The following TAS1R3 variants were observed in gnomAD, a reference collection of about 807,000 sequenced individuals.
TAS1R3 encodes taste receptor type 1 member 3.
A neutral mutation model predicts 46.1 loss-of-function variants in TAS1R3; 58 were observed. The ratio of observed to expected loss-of-function variants is 1.26; its 90% CI spans 1.02 to 1.57. TAS1R3 has a LOEUF of 1.57. Ranked by LOEUF, TAS1R3 falls within the 40% of genes most tolerant of loss-of-function variation. The probability of loss-of-function intolerance (pLI) is 0.00; values close to 1 mark genes in which losing one functional copy is unlikely to be tolerated. For synonymous variants in TAS1R3, 724 were observed against 544.7 expected (o/e 1.33, Z -4.58); for missense variants, 1,422 against 1,185.8 (o/e 1.20, Z -2.93).
At position 1,331,629 on chromosome 1, in the gene TAS1R3, T is replaced by G. The variant is rs750810123; in HGVS notation, c.192-9T>G. On this transcript the variant is annotated splice_polypyrimidine_tract_variant and intron_variant, in intron 1 of 5. Coordinates refer to ENST00000339381, the MANE Select transcript of TAS1R3 (RefSeq NM_152228.3). ...CGAGGTGGCCATCTGCGGTTCTGTG[T>G]GGCCCCAGGTTCTCCTCAAACGGCC... 1.2e-6 allele frequency: 2 copies of G among 1,608,198 alleles called. No individual in the cohort carries two copies. The highest frequency in any genetic ancestry group is 1.7e-5 in the Admixed American group (1 of 59,834).
At position 1,331,660 on chromosome 1, in the gene TAS1R3, T is replaced by G. The variant is rs144594741; in HGVS notation, c.214T>G (p.Trp72Gly). 414 of 1,612,338 alleles carry G rather than the reference T, an allele frequency of 2.6e-4. 2 individuals are homozygous for G. The highest frequency in any genetic ancestry group is 2.5e-3 in the Middle Eastern group (15 of 6,062). Residue 72 changes from tryptophan to glycine, a missense_variant, in exon 2 of 6, where the codon TGG becomes GGG. Coordinates refer to ENST00000339381, the MANE Select transcript of TAS1R3 (RefSeq NM_152228.3). The part of the protein sequence containing the change: ...CTRFSSNGLL[W>G]ALAMKMAVEE... ...CAGGTTCTCCTCAAACGGCCTGCTC[T>G]GGGCACTGGCCATGAAAATGGCCGT... is the stretch of plus-strand genomic sequence containing the variant.
chr1:1,332,860 G>C, intron 3 of TAS1R3, 54 bp downstream of exon 3: 3 of 1,587,812 alleles, frequency 1.9e-6, no homozygotes, highest in Non-Finnish European at 2.6e-6. Flanking sequence ...AGGCCACCAG[G>C]CACGGCCACC....
rs1643493889 is a variant in TAS1R3 at position 1,333,936 on chromosome 1, G to A, written c.2031G>A (p.Arg677=). 3 of 1,601,060 alleles carry A rather than the reference G, an allele frequency of 1.9e-6. No individual in the cohort carries two copies. Among genetic ancestry groups the A allele is most frequent in the Non-Finnish European group, 2.5e-6 (3 of 1,179,776 alleles). The change falls in exon 6 of 6, where the codon CGG becomes CGA. Residue 677 remains arginine (R), a synonymous_variant. Transcript: ENST00000339381. The part of the protein sequence containing the change: ...SWADRLSGCL[R]GPWAWLVVLL... ...CAGACCGGCTGAGTGGCTGCCTGCGGGGGCCCTGGGCCTGGCTGGTGGTGC... is the reference window on the plus strand; with the variant it reads ...CAGACCGGCTGAGTGGCTGCCTGCGAGGGCCCTGGGCCTGGCTGGTGGTGC...
In TAS1R3 at chr1:1,333,014, A is replaced by C. The variant is rs907701266; in HGVS notation, c.1369A>C (p.Lys457Gln). 3 of 1,612,774 alleles carry C rather than the reference A, an allele frequency of 1.9e-6. No homozygotes were observed. Among genetic ancestry groups the C allele is most frequent in the Middle Eastern group, 1.6e-4 (1 of 6,062 alleles). ...AAACGTGGACATGGAGTACGACCTG[A>C]AGCTGTGGGTGTGGCAGGGCTCAGT... ...SGNVDMEYDLKLWVWQGSVPR... is the reference protein window; with the variant it reads ...SGNVDMEYDLQLWVWQGSVPR... The change falls in exon 4 of 6, where the codon AAG becomes CAG. Residue 457 changes from lysine (K) to glutamine (Q), a missense_variant. By Grantham distance (53) the Lys-to-Gln change is moderately conservative. Coordinates refer to ENST00000339381, the MANE Select transcript of TAS1R3 (RefSeq NM_152228.3).
chr1:1,331,761 G>A lies in TAS1R3; in HGVS notation c.315G>A (p.Glu105=). The change falls in exon 2 of 6, where the codon GAG becomes GAA. Residue 105 remains glutamate (E), a synonymous_variant. Transcript: ENST00000339381. ...ACGACCTCTTTGATACGTGCTCGGA[G>A]CCTGTGGTGGCCATGAAGCCCAGCC... ...LGYDLFDTCS[E]PVVAMKPSLM... 6.2e-7 allele frequency: 1 copy of A among 1,612,898 alleles called. No homozygotes were observed. Among genetic ancestry groups the A allele is most frequent in the Non-Finnish European group, 8.5e-7 (1 of 1,180,028 alleles).
Position 1,332,364 on chromosome 1 carries a change from A to G in TAS1R3, c.833A>G (p.His278Arg). 2 of 1,599,308 alleles carry G rather than the reference A, an allele frequency of 1.3e-6. No homozygotes were observed. Among genetic ancestry groups the G allele is most frequent in the South Asian group, 1.1e-5 (1 of 89,562 alleles). ...VQVVLLFASV[H>R]AAHALFNYSI... ...GTGGTGCTGCTGTTCGCCTCCGTGC[A>G]CGCCGCCCACGCCCTCTTCAACTAC... The change falls in exon 3 of 6, where the codon CAC becomes CGC. Residue 278 changes from histidine (H) to arginine (R), a missense_variant. Transcript: ENST00000339381.
Position 1,334,387 on chromosome 1 carries a change from T to G in TAS1R3, c.2482T>G (p.Phe828Val), listed in dbSNP as rs1002443009. The G allele has an allele frequency of 5.6e-6, 9 of 1,607,720 alleles. No individual in the cohort carries two copies. The African/African-American group carries it at 1.2e-4, about 22-fold the overall frequency. Residue 828 changes from phenylalanine (F) to valine (V), a missense_variant, in exon 6 of 6, where the codon TTC (phenylalanine) becomes GTC (valine). Phe to Val is a conservative substitution (Grantham distance 50). Transcript: ENST00000339381. ...MRQPGLNTPE[F>V]FLGGGPGDAQ... is the part of the protein sequence containing the mutation. ...GCAGCCAGGGCTCAACACCCCCGAG[T>G]TCTTCCTGGGAGGGGGCCCTGGGGA...
At chr1:1,333,234 A>C in intron 4 of TAS1R3, 25 bp from the exon 5 acceptor site, 1 of 1,597,594 alleles carries the variant, frequency 6.3e-7, no homozygotes, top group South Asian at 1.1e-5. Flanking sequence ...AGCCGAGCAG[A>C]GCCAGACCCC....
Position 1,331,743 on chromosome 1 carries a change from CTTT to C in TAS1R3, c.298_300del (p.Phe100del), listed in dbSNP as rs756206040. On this transcript the variant is annotated inframe_deletion, in exon 2 of 6. Coordinates refer to ENST00000339381, the MANE Select transcript of TAS1R3 (RefSeq NM_152228.3). ...CCGGGCTGCGCCTGGGCTACGACCT[CTTT>C]GATACGTGCTCGGAGCCTGTGGTGG... 1 of 1,612,980 alleles carries C rather than the reference CTTT, an allele frequency of 6.2e-7. No homozygotes were observed. The highest frequency in any genetic ancestry group is 8.5e-7 in the Non-Finnish European group (1 of 1,180,038).
In TAS1R3 at chr1:1,333,533, A is replaced by G. The variant is rs1333203627; in HGVS notation, c.1628A>G (p.Gln543Arg). ...PDDIACTFCG[Q>R]DEWSPERSTR... is the part of the protein sequence containing the mutation. Reference sequence around the variant, plus strand: ...GACATCGCCTGCACCTTTTGTGGCCAGGATGAGTGGTCCCCGGAGCGAAGC... The same window carrying G: ...GACATCGCCTGCACCTTTTGTGGCCGGGATGAGTGGTCCCCGGAGCGAAGC... The change falls in exon 6 of 6, where the codon CAG becomes CGG. Residue 543 changes from glutamine to arginine, a missense_variant. Coordinates refer to ENST00000339381, the MANE Select transcript of TAS1R3 (RefSeq NM_152228.3). 9.4e-6 allele frequency: 15 copies of G among 1,602,910 alleles called. No homozygotes were observed. Among genetic ancestry groups the G allele is most frequent in the Non-Finnish European group, 1.3e-5 (15 of 1,179,596 alleles).
Position 1,331,958 on chromosome 1 carries a change from A to AACCCCCCCC in TAS1R3, c.492+20_492+21insACCCCCCCC. 1.3e-6 allele frequency: 2 copies of AACCCCCCCC among 1,539,210 alleles called. No individual in the cohort carries two copies. The highest frequency in any genetic ancestry group is 1.8e-6 in the Non-Finnish European group (2 of 1,141,736). ...CCCCAGGTGGGCGCCCCCCACCATC[A>AACCCCCCCC]CCCACCCCCACCCAGCCCTGCCCGT... On this transcript the variant is annotated intron_variant, in intron 2 of 5. Coordinates refer to ENST00000339381, the MANE Select transcript of TAS1R3 (RefSeq NM_152228.3).
rs1444466401 is a variant in TAS1R3, at chr1:1,333,525, T to C, written c.1620T>C (p.Phe540=). 3 of 1,602,534 alleles carry C rather than the reference T, an allele frequency of 1.9e-6. No individual in the cohort carries two copies. The highest frequency in any genetic ancestry group is 3.3e-5 in the Admixed American group (2 of 59,994). Residue 540 remains phenylalanine, a synonymous_variant, in exon 6 of 6, where the codon TTT becomes TTC. Coordinates refer to ENST00000339381, the MANE Select transcript of TAS1R3 (RefSeq NM_152228.3). ...RQNPDDIACT[F]CGQDEWSPER... is the part of the protein sequence containing the mutation. ...TCACAGACGACATCGCCTGCACCTT[T>C]TGTGGCCAGGATGAGTGGTCCCCGG...
Position 1,334,767 on chromosome 1 carries a change from A to C in TAS1R3, c.*303A>C. ...GGCTCCCAGGGTACCCGCAACCCAC[A>C]CCGTGAGCTCAGGAAAAGGACGCAG... On this transcript the variant is annotated 3_prime_UTR_variant, in exon 6 of 6. Coordinates refer to ENST00000339381, the MANE Select transcript of TAS1R3 (RefSeq NM_152228.3). The C allele has an allele frequency of 6.5e-6, 2 of 308,020 alleles. No individual in the cohort carries two copies. Among genetic ancestry groups the C allele is most frequent in the East Asian group, 5.6e-5 (1 of 17,934 alleles). The allele number at this position is 308,020 out of a possible 1,614,324, so 19.1% of individuals were successfully genotyped here.
rs750240840 is a variant in TAS1R3 at position 1,334,189 on chromosome 1, C to T, written c.2284C>T (p.Arg762Cys). 2.4e-5 allele frequency: 39 copies of T among 1,600,918 alleles called. No homozygotes were observed. In the East Asian group the frequency reaches 2.5e-4, roughly 10 times the overall value. Residue 762 changes from arginine to cysteine, a missense_variant, in exon 6 of 6, where the codon CGT becomes TGT. By Grantham distance (180) the Arg-to-Cys change is radical. Coordinates refer to ENST00000339381, the MANE Select transcript of TAS1R3 (RefSeq NM_152228.3). ...CCAGCCGGGCTGCTACAACCGTGCCCGTGGCCTCACCTTTGCCATGCTGGC... is the reference window on the plus strand; with the variant it reads ...CCAGCCGGGCTGCTACAACCGTGCCTGTGGCCTCACCTTTGCCATGCTGGC... ...RSQPGCYNRA[R>C]GLTFAMLAYF...
At position 1,332,278 on chromosome 1, in the gene TAS1R3, T is replaced by A; in HGVS notation, c.747T>A (p.Asp249Glu). 1 of 1,603,566 alleles carries A rather than the reference T, an allele frequency of 6.2e-7. No individual in the cohort carries two copies. Among genetic ancestry groups the A allele is most frequent in the Non-Finnish European group, 8.5e-7 (1 of 1,178,486 alleles). ...GCCTGGTGCCGCTGCCCCGTGCCGATGACTCGCGGCTGGGGAAGGTGCAGG... is the reference window on the plus strand; with the variant it reads ...GCCTGGTGCCGCTGCCCCGTGCCGAAGACTCGCGGCTGGGGAAGGTGCAGG... Reference protein sequence around the residue: ...HEGLVPLPRADDSRLGKVQDV... With the variant: ...HEGLVPLPRAEDSRLGKVQDV... The change falls in exon 3 of 6, where the codon GAT (aspartate) becomes GAA (glutamate). Residue 249 changes from aspartate to glutamate, a missense_variant. By Grantham distance (45) the Asp-to-Glu change is conservative. Coordinates refer to ENST00000339381, the MANE Select transcript of TAS1R3 (RefSeq NM_152228.3).
Position 1,332,906 on chromosome 1 carries a change from G to A in TAS1R3, c.1276-15G>A, listed in dbSNP as rs199516611. The A allele has an allele frequency of 4.7e-5, 75 of 1,597,960 alleles. No homozygotes were observed. The Middle Eastern group carries it at 8.3e-4, about 18-fold the overall frequency. ...TGGAGGTGGCTGGCGGCTCAGCCCC[G>A]TCCCCCGCCCGCAGCTCCTGGAGAA... On this transcript the variant is annotated splice_polypyrimidine_tract_variant and intron_variant, in intron 3 of 5. Transcript: ENST00000339381.
At position 1,334,568 on chromosome 1, in the gene TAS1R3, TCTGACCCCAGGTTGTCTCCTGACC is replaced by T; in HGVS notation, c.*114_*137del. ...CTACAGAGACCCTCCCGCTCTAGGT[TCTGACCCCAGGTTGTCTCCTGACC>T]CTGACCCCACAGTGAGCCCTAGGCC... is the stretch of plus-strand genomic sequence containing the variant. On this transcript the variant is annotated 3_prime_UTR_variant, in exon 6 of 6. Coordinates refer to ENST00000339381, the MANE Select transcript of TAS1R3 (RefSeq NM_152228.3). The T allele has an allele frequency of 7.6e-7, 1 of 1,317,860 alleles. No homozygotes were observed. Among genetic ancestry groups the T allele is most frequent in the Non-Finnish European group, 1.0e-6 (1 of 991,106 alleles). The allele number at this position is 1,317,860 out of a possible 1,614,324, so 81.6% of individuals were successfully genotyped here. A position where few individuals can be genotyped will look rare whatever the true frequency, so the allele number is the denominator to read the frequency against.
chr1:1,332,262 C>T lies in TAS1R3; in HGVS notation c.731C>T (p.Pro244Leu), dbSNP rs752921589. The T allele has an allele frequency of 2.3e-4, 367 of 1,598,732 alleles. No homozygotes were observed. Among genetic ancestry groups the T allele is most frequent in the Non-Finnish European group, 2.9e-4 (340 of 1,177,130 alleles). The change falls in exon 3 of 6, where the codon CCG becomes CTG. Residue 244 changes from proline to leucine, a missense_variant. Physicochemically the swap from Pro to Leu is moderately conservative, Grantham distance 98. Coordinates refer to ENST00000339381, the MANE Select transcript of TAS1R3 (RefSeq NM_152228.3). ...TGCATCGCGCACGAGGGCCTGGTGC[C>T]GCTGCCCCGTGCCGATGACTCGCGG... ...GICIAHEGLV[P>L]LPRADDSRLG...
rs369374746 is a variant in TAS1R3, at chr1:1,331,991, C to T, written c.493-33C>T. 1.1e-5 allele frequency: 17 copies of T among 1,610,720 alleles called. 1 individual carries two copies. The South Asian group carries it at 1.9e-4, about 18-fold the overall frequency. On this transcript the variant is annotated intron_variant, in intron 2 of 5. Coordinates refer to ENST00000339381, the MANE Select transcript of TAS1R3 (RefSeq NM_152228.3). Reference sequence around the variant, plus strand: ...CCACCCAGCCCTGCCCGTGGGAGCCCCTGTGTCAGGAGATGCCTCTTGGCC... The same window carrying T: ...CCACCCAGCCCTGCCCGTGGGAGCCTCTGTGTCAGGAGATGCCTCTTGGCC...
Sources: gnomAD v4.1 joint callset for allele counts on GRCh38, gnomAD v4.1.1 for gene constraint, MANE v1.5 for transcripts, NCBI Gene and HGNC (gene_info 2026-07-23, HGNC 2026-07-21) for gene names.